Variants in GNA12 observed in about 807,000 individuals in gnomAD.
GNA12 encodes the protein G protein subunit alpha 12.
A neutral mutation model predicts 26.0 loss-of-function variants in GNA12; 9 were observed. The observed-to-expected ratio is 0.35, with a 90% CI of 0.21 to 0.60. GNA12 has a LOEUF of 0.60. Ranked by LOEUF, GNA12 falls within the 20% of genes least tolerant of loss-of-function variation. The pLI is 0.78. For missense variants in GNA12, 405 were observed against 525.8 expected (o/e 0.77, Z 2.25); for synonymous variants, 264 against 219.6 (o/e 1.20, Z -1.79).
chr7:2,819,383 G>C (rs1261280817), intron 1 of GNA12, among the ~76,000 whole-genome samples: 1 of 152,320 alleles, frequency 6.6e-6, no homozygotes, highest in East Asian at 1.9e-4. Context: ...ACTGTGCCCA[G>C]ACCTCTGACC....
chr7:2,735,155 T>G (rs208357), intron 2 of GNA12, among the ~76,000 whole-genome samples: 100,997 of 152,056 alleles, frequency 0.66, 35,155 homozygotes, highest in East Asian at 0.93. Flanking sequence ...CGCCTCTCTC[T>G]CCTGCCTCCT....
chr7:2,752,599 C>T (rs932742943), intron 2 of GNA12, among the ~76,000 whole-genome samples: 1 of 152,196 alleles, frequency 6.6e-6, no homozygotes, highest in African/African-American at 2.4e-5. Context: ...GAGTTCAGCA[C>T]ATTCACAAGA....
At position 2,731,243 on chromosome 7, in the gene GNA12, C is replaced by A; in HGVS notation, c.1084G>T (p.Val362Leu). The A allele has an allele frequency of 6.2e-7, 1 of 1,613,652 alleles. No homozygotes were observed. Among genetic ancestry groups the A allele is most frequent in the Non-Finnish European group, 8.5e-7 (1 of 1,179,890 alleles). Residue 362 changes from valine to leucine, a missense_variant, in exon 4 of 4, where the codon GTG (valine) becomes TTG (leucine). Val to Leu is a conservative substitution (Grantham distance 32, BLOSUM62 1). Transcript: ENST00000275364. This position sits in a 1 kb window ranked among gnomAD's most constrained non-coding sequence, Gnocchi z 6.0. ...TAIDTENVRFVFHAVKDTILQ... is the reference protein window; with the variant it reads ...TAIDTENVRFLFHAVKDTILQ... ...ATGGTGTCTTTCACAGCATGGAACA[C>A]GAAGCGGACGTTCTCGGTGTCGATG...
intron 2 of GNA12, among the ~76,000 whole-genome samples, chr7:2,772,270 G>A (rs956146137): frequency 1.8e-4 from 28 of 152,162 alleles, no homozygotes; most frequent in African/African-American, 6.3e-4. Flanking sequence ...TGTACAAAAG[G>A]TGCCAAACAT....
At chr7:2,829,629 G>A (rs1232103130) in intron 1 of GNA12, among the ~76,000 whole-genome samples, 1 of 152,126 alleles carries the variant, frequency 6.6e-6, no homozygotes, top group African/African-American at 2.4e-5. Context: ...ATACAATATA[G>A]AGCACTCTTG....
At chr7:2,811,969 A>G (rs567711741) in intron 1 of GNA12, among the ~76,000 whole-genome samples, 1 of 152,320 alleles carries the variant, frequency 6.6e-6, no homozygotes, top group East Asian at 1.9e-4. Context: ...AGCAGCGCTT[A>G]TTTGTTTCCC....
intron 2 of GNA12, among the ~76,000 whole-genome samples, chr7:2,779,887 C>G (rs1792177904): frequency 6.6e-6 from 1 of 151,782 alleles, no homozygotes; most frequent in African/African-American, 2.4e-5. Context: ...AGTGAGCCAG[C>G]AGGCTTGGCG....
chr7:2,807,584 A>AG (rs1792979136), intron 1 of GNA12, among the ~76,000 whole-genome samples: 2 of 150,010 alleles, frequency 1.3e-5, no homozygotes, highest in African/African-American at 2.5e-5. Flanking sequence ...GGTATAAGAG[A>AG]GAAAAAAAAA....
intron 2 of GNA12, among the ~76,000 whole-genome samples, chr7:2,774,931 A>G (rs1792040625): frequency 6.6e-6 from 1 of 152,234 alleles, no homozygotes; most frequent in Non-Finnish European, 1.5e-5. Flanking sequence ...AGTCAATATT[A>G]ATAATATTCT....
At chr7:2,750,432 A>T (rs1790977163) in intron 2 of GNA12, among the ~76,000 whole-genome samples, 1 of 152,202 alleles carries the variant, frequency 6.6e-6, no homozygotes, top group Non-Finnish European at 1.5e-5. Flanking sequence ...ACATGCTGAG[A>T]CCTCAGTGGA....
chr7:2,837,373 G>A (rs184671732), intron 1 of GNA12, among the ~76,000 whole-genome samples: 1 of 152,230 alleles, frequency 6.6e-6, no homozygotes, highest in Non-Finnish European at 1.5e-5. Context: ...GCTAACAGCC[G>A]TATGTCAGAG....
Position 2,826,778 on chromosome 7 carries a change from G to A in GNA12, c.309+17075C>T, listed in dbSNP as rs75280464. On this transcript the variant is annotated intron_variant, in intron 1 of 3. Coordinates refer to ENST00000275364, the MANE Select transcript of GNA12 (RefSeq NM_007353.3). ...AAACGCTCAGAGGCTGCCAGGGGTTGAGGGGAGACAGGGAAGGAGGGATGA... is the reference window on the plus strand; with the variant it reads ...AAACGCTCAGAGGCTGCCAGGGGTTAAGGGGAGACAGGGAAGGAGGGATGA... Among the ~76,000 whole-genome samples the A allele has an allele frequency of 8.0e-3, 1,223 of 152,336 alleles. 8 individuals are homozygous for A. The highest frequency in any genetic ancestry group is 0.013 in the Non-Finnish European group (880 of 68,030).
At chr7:2,777,257 C>G (rs138243219) in intron 2 of GNA12, among the ~76,000 whole-genome samples, 1 of 152,068 alleles carries the variant, frequency 6.6e-6, no homozygotes, top group Non-Finnish European at 1.5e-5. Context: ...CAGAGGGTAA[C>G]GGAATGAATA....
At chr7:2,752,974 G>T (rs887490452) in intron 2 of GNA12, among the ~76,000 whole-genome samples, 1 of 152,040 alleles carries the variant, frequency 6.6e-6, no homozygotes, top group Non-Finnish European at 1.5e-5. Flanking sequence ...CCACCACAAC[G>T]GTCTCCCTCG....
chr7:2,770,180 TG>T (rs1361319579), intron 2 of GNA12, among the ~76,000 whole-genome samples: 1 of 152,208 alleles, frequency 6.6e-6, no homozygotes, highest in Non-Finnish European at 1.5e-5. Context: ...TGAGGTTCAC[TG>T]CCATAATATA....
chr7:2,790,568 A>G (rs536958622), intron 2 of GNA12, among the ~76,000 whole-genome samples: 21 of 152,346 alleles, frequency 1.4e-4, no homozygotes, highest in African/African-American at 5.1e-4. Flanking sequence ...GCACAGAAGG[A>G]GGACTATGAC....
chr7:2,765,875 G>GCCCCCCCCCCCC (rs71026552), intron 2 of GNA12, among the ~76,000 whole-genome samples: 2 of 147,838 alleles, frequency 1.4e-5, no homozygotes, highest in African/African-American at 5.0e-5. Flanking sequence ...GTGATCCAGG[G>GCCCCCCCCCCCC]CCCCCCTCCC....
At chr7:2,791,262 C>A (rs1792510985) in intron 2 of GNA12, among the ~76,000 whole-genome samples, 2 of 152,228 alleles carry the variant, frequency 1.3e-5, no homozygotes, top group Non-Finnish European at 1.5e-5. Flanking sequence ...GCGAGATCAT[C>A]TTCCTTTTAA....
At chr7:2,841,786 G>T (rs572069030) in intron 1 of GNA12, among the ~76,000 whole-genome samples, 1 of 152,146 alleles carries the variant, frequency 6.6e-6, no homozygotes. Flanking sequence ...GAGTCCTTAT[G>T]GGTAAGTGAT....
Sources: gnomAD v4.1 joint callset for allele counts (sites outside exome capture counted in the v4.1 genomes callset) on GRCh38, gnomAD v4.1.1 for gene constraint, Gnocchi (gnomAD v3.1) non-coding constraint, MANE v1.5 for transcripts, NCBI Gene and HGNC (gene_info 2026-07-23, HGNC 2026-07-21) for gene names.